NTF4: variants seen among roughly 807,000 people sequenced by gnomAD.
The protein encoded by NTF4 is neurotrophin 4.
Under a neutral mutation model 4.4 loss-of-function variants are expected in NTF4, and 2 were observed. That is an observed-to-expected ratio of 0.46 (90% CI 0.19 to 1.44). The LOEUF is 1.44. NTF4 is among the 40% of genes most tolerant of loss of function. NTF4 has a pLI of 0.26. For synonymous variants in NTF4, 127 were observed against 122.0 expected, an observed-to-expected ratio of 1.04 and a Z score of -0.27; for missense variants, 260 against 293.0, an observed-to-expected ratio of 0.89 and a Z score of 0.82.
At chr19:49,065,009 T>A (rs1400161230), upstream of NTF4, 1 of 152,478 alleles carries the variant, frequency 6.6e-6, no homozygotes, top group East Asian at 1.9e-4. Context: ...CTCCTCCTCC[T>A]GCTCGCTGGC....
chr19:49,060,036 CAAAAAAAAAAAAAA>C (rs55870191), downstream of NTF4, among the ~76,000 whole-genome samples: 524 of 28,420 alleles, frequency 0.018, 6 homozygotes, highest in South Asian at 0.04. Context: ...GACTCCATCT[CAAAAAAAAAAAAAA>C]AAAAAAAAAA....
rs1437381950 is a variant in NTF4, at chr19:49,061,338, G to A, written c.*27C>T. ...CATCCCTGAGGTCTCTCAGCATCCAGCTCTGTTATTTTCCTGGGCATGGGT... is the reference window on the plus strand; with the variant it reads ...CATCCCTGAGGTCTCTCAGCATCCAACTCTGTTATTTTCCTGGGCATGGGT... On this transcript the variant is annotated 3_prime_UTR_variant, in exon 1 of 1. Coordinates refer to ENST00000593537, the Ensembl canonical transcript of NTF4. This position sits in a 1 kb window ranked among gnomAD's most constrained non-coding sequence, Gnocchi z 4.9. 4.3e-6 allele frequency: 7 copies of A among 1,611,030 alleles called. 2 individuals are homozygous for A. The South Asian group carries it at 7.7e-5, about 18-fold the overall frequency.
chr19:49,063,791 C>CG (rs898814008), upstream of NTF4: 2 of 152,168 alleles, frequency 1.3e-5, no homozygotes, highest in Non-Finnish European at 2.9e-5. Flanking sequence ...CCCCAGGCTT[C>CG]GGGGGGCCCC....
upstream of NTF4, among the ~76,000 whole-genome samples, chr19:49,062,873 A>G (rs894851554): frequency 2.6e-5 from 4 of 152,188 alleles, no homozygotes; most frequent in Admixed American, 2.6e-4. Context: ...AGGCTCAGAG[A>G]AGTTAATGAT....
At chr19:49,059,793 A>T (rs1227435706), downstream of NTF4, among the ~76,000 whole-genome samples, 1 of 152,108 alleles carries the variant, frequency 6.6e-6, no homozygotes, top group African/African-American at 2.4e-5. Context: ...CATGCCCGTA[A>T]TCCCAGCACT....
chr19:49,064,143 C>T (rs34062410), upstream of NTF4: 26,357 of 152,282 alleles, frequency 0.17, 2,426 homozygotes, highest in Non-Finnish European at 0.21. Context: ...CCAGATGGGG[C>T]GGAACTGGCC....
Position 49,061,536 on chromosome 19 carries a change from A to C in NTF4, c.462T>G (p.Gly154=). 2 of 1,613,930 alleles carry C rather than the reference A, an allele frequency of 1.2e-6. No homozygotes were observed. Among genetic ancestry groups the C allele is most frequent in the Non-Finnish European group, 1.7e-6 (2 of 1,179,986 alleles). Residue 154 remains glycine (G), a synonymous_variant, in exon 1 of 1, where the codon GGT becomes GGG. Coordinates refer to ENST00000593537, the Ensembl canonical transcript of NTF4. The surrounding 1 kb of genome is among the most constrained non-coding windows in gnomAD (Gnocchi z 4.9). ...TGTCCACTCCCCGGCAGCCCCCTCCACCTGCCCCCGGGCCACCTTCCTCAG... is the reference window on the plus strand; with the variant it reads ...TGTCCACTCCCCGGCAGCCCCCTCCCCCTGCCCCCGGGCCACCTTCCTCAG...
rs2040127161 is a variant in NTF4 at position 49,061,182 on chromosome 19, G to A, written c.*183C>T. 1 of 1,129,120 alleles carries A rather than the reference G, an allele frequency of 8.9e-7. No homozygotes were observed. The highest frequency in any genetic ancestry group is 1.6e-5 in the South Asian group (1 of 63,620). 69.9% of individuals were successfully genotyped at this position (1,129,120 alleles called of 1,614,324 possible). A position where few individuals can be genotyped will look rare whatever the true frequency, so the allele number is the denominator to read the frequency against. On this transcript the variant is annotated 3_prime_UTR_variant, in exon 1 of 1. Coordinates refer to ENST00000593537, the Ensembl canonical transcript of NTF4. This position sits in a 1 kb window ranked among gnomAD's most constrained non-coding sequence, Gnocchi z 4.9. ...TTATTACCCTCAAGTTGCTCCAGGA[G>A]AACTCCTATTCAACCTCCAAAACCC...
rs377015369 is a variant in NTF4, at chr19:49,061,395, G to A, written c.603C>T (p.Cys201=). 1.3e-5 allele frequency: 21 copies of A among 1,612,874 alleles called. No homozygotes were observed. The African/African-American group carries it at 2.5e-4, about 19-fold the overall frequency. ...CCCGGCCAGTCCGGCTGAGGAGTGT[G>A]CAGACGCAGGCAGTGTCAATTCGAA... is the stretch of plus-strand genomic sequence containing the variant. Residue 201 remains cysteine (C), a synonymous_variant, in exon 1 of 1, where the codon TGC becomes TGT. Transcript: ENST00000593537. The surrounding 1 kb of genome is among the most constrained non-coding windows in gnomAD (Gnocchi z 4.9).
Position 49,061,867 on chromosome 19 carries a change from G to C in NTF4, c.131C>G (p.Pro44Arg), listed in dbSNP as rs1285933961. 3.2e-6 allele frequency: 5 copies of C among 1,543,404 alleles called. No homozygotes were observed. Among genetic ancestry groups the C allele is most frequent in the Admixed American group, 3.9e-5 (2 of 50,862 alleles). Residue 44 changes from proline (P) to arginine (R), a missense_variant, in exon 1 of 1, where the codon CCC becomes CGC. Pro to Arg is a moderately radical substitution (Grantham distance 103). Coordinates refer to ENST00000593537, the Ensembl canonical transcript of NTF4. The surrounding 1 kb of genome is among the most constrained non-coding windows in gnomAD (Gnocchi z 4.9). ...GGCACCCCTAGACAGGACTACTCGG[G>C]GGGAGAGAAGGTCCCACTCAGGGGC...
At position 49,061,763 on chromosome 19, in the gene NTF4, G is replaced by T; in HGVS notation, c.235C>A (p.Arg79=). The T allele has an allele frequency of 1.9e-6, 3 of 1,584,204 alleles. No homozygotes were observed. The highest frequency in any genetic ancestry group is 2.6e-6 in the Non-Finnish European group (3 of 1,166,462). Residue 79 remains arginine, a synonymous_variant, in exon 1 of 1, where the codon CGG becomes AGG. Transcript: ENST00000593537. The surrounding 1 kb of genome is among the most constrained non-coding windows in gnomAD (Gnocchi z 4.9). ...GGTGCAGTTTCGCTCACCCCACGCCGGCTGCGGTTGGCCGGGGCACCTGCT... is the reference window on the plus strand; with the variant it reads ...GGTGCAGTTTCGCTCACCCCACGCCTGCTGCGGTTGGCCGGGGCACCTGCT...
At chr19:49,058,315 G>C (rs777080146), downstream of NTF4, 19 of 1,497,646 alleles carry the variant, frequency 1.3e-5, no homozygotes, top group Non-Finnish European at 1.7e-5. Flanking sequence ...ATCCTGCTTT[G>C]CAGTCGGAGG....
At chr19:49,063,356 C>G (rs1453815067), upstream of NTF4, among the ~76,000 whole-genome samples, 1 of 139,878 alleles carries the variant, frequency 7.1e-6, no homozygotes, top group African/African-American at 2.7e-5. Context: ...CTCCCTCTGT[C>G]GCCCAGGCTG....
chr19:49,062,630 C>G (rs2040167287), upstream of NTF4, among the ~76,000 whole-genome samples: 1 of 151,660 alleles, frequency 6.6e-6, no homozygotes, highest in Non-Finnish European at 1.5e-5. Flanking sequence ...ACTAAAAATA[C>G]AGAATTACCC....
At chr19:49,058,370 A>T, downstream of NTF4, 1 of 1,256,724 alleles carries the variant, frequency 8.0e-7, no homozygotes, top group Non-Finnish European at 1.1e-6. Flanking sequence ...GCCGCACATC[A>T]GCTAGAAAGA....
At chr19:49,059,023 G>C (rs1460095134), downstream of NTF4, among the ~76,000 whole-genome samples, 1 of 152,076 alleles carries the variant, frequency 6.6e-6, no homozygotes, top group Admixed American at 6.5e-5. Flanking sequence ...CCAGGGGGTG[G>C]GGGAGACAGA....
At chr19:49,060,486 C>T (rs989485453), downstream of NTF4, 1 of 152,106 alleles carries the variant, frequency 6.6e-6, no homozygotes, top group Non-Finnish European at 1.5e-5. Flanking sequence ...CATCCGCCAC[C>T]ACGACCAGCT....
rs1176857517 is a variant in NTF4 at position 49,061,463 on chromosome 19, C to A, written c.535G>T (p.Ala179Ser). The change falls in exon 1 of 1, where the codon GCA becomes TCA. Residue 179 changes from alanine (A) to serine (S), a missense_variant. Physicochemically the swap from Ala to Ser is moderately conservative, Grantham distance 99 (BLOSUM62 1). Coordinates refer to ENST00000593537, the Ensembl canonical transcript of NTF4. The surrounding 1 kb of genome is among the most constrained non-coding windows in gnomAD (Gnocchi z 4.9). ...CGGCCCTGGGCATCAGCGGTCAATG[C>A]CCGCACATAGGACTGCTTGGCCTTG... The A allele has an allele frequency of 1.9e-6, 3 of 1,613,988 alleles. No homozygotes were observed. The highest frequency in any genetic ancestry group is 2.5e-6 in the Non-Finnish European group (3 of 1,179,892).
At chr19:49,059,773 C>T (rs115247643), downstream of NTF4, among the ~76,000 whole-genome samples, 209 of 152,134 alleles carry the variant, frequency 1.4e-3, 2 homozygotes, top group African/African-American at 4.6e-3. Context: ...GATCACCGGG[C>T]GCAGTGGCTC....
Sources: gnomAD v4.1 joint callset for allele counts (sites outside exome capture counted in the v4.1 genomes callset) on GRCh38, gnomAD v4.1.1 for gene constraint, Gnocchi (gnomAD v3.1) non-coding constraint, MANE v1.5 for transcripts, NCBI Gene and HGNC (gene_info 2026-07-23, HGNC 2026-07-21) for gene names.